Variants in WDR27 observed in about 807,000 individuals in gnomAD.
The protein encoded by WDR27 is WD repeat domain 27, also known as WD repeat-containing protein 27.
Under a neutral mutation model 114.4 loss-of-function variants are expected in WDR27, and 100 were observed. The observed-to-expected ratio is 0.87, with a 90% CI of 0.74 to 1.03. WDR27 has a LOEUF of 1.03. Among genes scored for constraint, WDR27 ranks in the 50% least tolerant of loss-of-function variants. WDR27 has a pLI of 0.00. For missense variants in WDR27, 1,129 were observed against 1,092.9 expected (o/e 1.03, Z -0.47); for synonymous variants, 449 against 423.1 (o/e 1.06, Z -0.75).
At chr6:169,510,415 A>G (rs1464251805) in intron 25 of WDR27, among the ~76,000 whole-genome samples, 1 of 152,056 alleles carries the variant, frequency 6.6e-6, no homozygotes, top group Non-Finnish European at 1.5e-5. Flanking sequence ...GATTAAGAAA[A>G]TGTGGCACAT....
intron 13 of WDR27, among the ~76,000 whole-genome samples, chr6:169,655,479 C>A (rs1026371823): frequency 6.6e-6 from 1 of 152,222 alleles, no homozygotes; most frequent in Admixed American, 6.5e-5. Context: ...TATATCCAGA[C>A]AACAGAACGC....
At chr6:169,697,258 A>G (rs1008190898) in intron 1 of WDR27, among the ~76,000 whole-genome samples, 1 of 152,214 alleles carries the variant, frequency 6.6e-6, no homozygotes, top group Non-Finnish European at 1.5e-5. Context: ...AGGAGTGACC[A>G]GAAGACCAGA....
At chr6:169,666,578 G>A (rs183889857) in intron 6 of WDR27, 37 of 985,522 alleles carry the variant, frequency 3.8e-5, no homozygotes, top group African/African-American at 3.3e-4. Flanking sequence ...GTCACAGACC[G>A]CTCCTTATGC....
intron 21 of WDR27, among the ~76,000 whole-genome samples, chr6:169,627,091 GTCC>G (rs1244177821): frequency 6.6e-6 from 1 of 152,180 alleles, no homozygotes; most frequent in East Asian, 1.9e-4. Context: ...ATTTGTCAGG[GTCC>G]TCCTCCATGA....
chr6:169,677,293 CTT>C (rs1285730671), intron 2 of WDR27, among the ~76,000 whole-genome samples: 1 of 152,256 alleles, frequency 6.6e-6, no homozygotes, highest in Non-Finnish European at 1.5e-5. Flanking sequence ...AAAGGTCACT[CTT>C]GTTATGCCAC....
chr6:169,556,092 T>C (rs1798846600), intron 25 of WDR27, among the ~76,000 whole-genome samples: 1 of 152,178 alleles, frequency 6.6e-6, no homozygotes, highest in Admixed American at 6.5e-5. Context: ...GTGCACACAG[T>C]TGCATCCTGC....
rs1313446572 is a variant in WDR27, at chr6:169,602,327, G to C, written c.2322-6C>G. On this transcript the variant is annotated splice_region_variant and splice_polypyrimidine_tract_variant and intron_variant, in intron 22 of 25. Transcript: ENST00000448612. Reference sequence around the variant, plus strand: ...CTTCAAAGTGGCGCTCACACCTACAGGGAGGAAAGAAACACCAGGAGAAAA... The same window carrying C: ...CTTCAAAGTGGCGCTCACACCTACACGGAGGAAAGAAACACCAGGAGAAAA... 2 of 1,510,358 alleles carry C rather than the reference G, an allele frequency of 1.3e-6. No individual in the cohort carries two copies. Among genetic ancestry groups the C allele is most frequent in the Admixed American group, 2.0e-5 (1 of 50,568 alleles). 93.6% of individuals were successfully genotyped at this position (1,510,358 alleles called of 1,614,324 possible).
chr6:169,516,879 T>A (rs1793742362), intron 25 of WDR27, among the ~76,000 whole-genome samples: 1 of 150,640 alleles, frequency 6.6e-6, no homozygotes, highest in African/African-American at 2.4e-5. Flanking sequence ...GTTCCAGGCA[T>A]TTAGGAAAAC....
At chr6:169,463,054 A>C (rs1785110637) in intron 25 of WDR27, among the ~76,000 whole-genome samples, 1 of 152,232 alleles carries the variant, frequency 6.6e-6, no homozygotes, top group Non-Finnish European at 1.5e-5. Flanking sequence ...CAAACAACCA[A>C]CAACAAAAAA....
Position 169,665,651 on chromosome 6 carries a change from A to G in WDR27, c.713-95T>C, listed in dbSNP as rs758633933. ...TTTTACTTATCTCTTTACACGTAAT[A>G]TTTACTTACAGTATTTCTGTTAGTC... On this transcript the variant is annotated intron_variant, in intron 6 of 25. Transcript: ENST00000448612. 125 of 1,130,750 alleles carry G rather than the reference A, an allele frequency of 1.1e-4. 2 individuals carry two copies. Among genetic ancestry groups the G allele is most frequent in the Non-Finnish European group, 1.5e-4 (121 of 802,314 alleles). 70.0% of individuals were successfully genotyped at this position (1,130,750 alleles called of 1,614,324 possible).
At chr6:169,542,281 A>G (rs1796929142) in intron 25 of WDR27, among the ~76,000 whole-genome samples, 1 of 152,180 alleles carries the variant, frequency 6.6e-6, no homozygotes, top group African/African-American at 2.4e-5. Flanking sequence ...GAAATCTGAT[A>G]AGCAGTATCT....
At chr6:169,643,817 TA>T (rs766144752) in intron 16 of WDR27, 31 bp from the exon 17 acceptor site, 1 of 1,572,142 alleles carries the variant, frequency 6.4e-7, no homozygotes, top group Non-Finnish European at 8.7e-7. Context: ...AAAGACTTCT[TA>T]GAAAAGCCTA....
chr6:169,545,979 C>CACCA (rs1452459417), intron 25 of WDR27, among the ~76,000 whole-genome samples: 3 of 151,624 alleles, frequency 2.0e-5, no homozygotes, highest in African/African-American at 4.8e-5. Context: ...TTCTATAAGC[C>CACCA]ACCAAGAGGC....
chr6:169,514,757 A>AATATATATAT (rs112203960), intron 25 of WDR27, among the ~76,000 whole-genome samples: 2,075 of 143,478 alleles, frequency 0.014, 60 homozygotes, highest in African/African-American at 0.046. Context: ...AAAAAAAGAG[A>AATATATATAT]ATATATATAT....
intron 25 of WDR27, among the ~76,000 whole-genome samples, chr6:169,459,456 G>A (rs1208160992): frequency 6.6e-6 from 1 of 151,596 alleles, no homozygotes; most frequent in Non-Finnish European, 1.5e-5. Flanking sequence ...ACCATCAAAG[G>A]GACCAACTTA....
chr6:169,664,373 C>T, intron 7 of WDR27, 87 bp from the exon 8 acceptor site: 2 of 1,599,462 alleles, frequency 1.3e-6, no homozygotes, highest in Non-Finnish European at 1.7e-6. Context: ...GCAGGGAGGG[C>T]AGACACGTCA....
intron 23 of WDR27, among the ~76,000 whole-genome samples, chr6:169,593,209 T>C (rs1442412525): frequency 2.0e-5 from 3 of 152,204 alleles, no homozygotes; most frequent in Non-Finnish European, 4.4e-5. Context: ...TGGGACTATT[T>C]GATGTTTAAG....
chr6:169,569,471 AAG>A (rs1426862499), intron 25 of WDR27, among the ~76,000 whole-genome samples: 2 of 152,226 alleles, frequency 1.3e-5, no homozygotes, highest in African/African-American at 4.8e-5. Flanking sequence ...TGTACTATAT[AAG>A]ATTTTCTTGA....
intron 7 of WDR27, 159 bp from the exon 8 acceptor site, chr6:169,664,445 C>G: frequency 6.7e-7 from 1 of 1,495,090 alleles, no homozygotes; most frequent in South Asian, 1.3e-5. Flanking sequence ...CCTTCAACAT[C>G]CCCTCTGGAG....
Sources: allele counts gnomAD v4.1 joint callset (sites outside exome capture counted in the v4.1 genomes callset), GRCh38; gene constraint gnomAD v4.1.1; transcripts MANE v1.5; gene names NCBI Gene and HGNC (gene_info 2026-07-23, HGNC 2026-07-21).